The following TBC1D14 variants were observed in gnomAD, a reference collection of about 807,000 sequenced individuals.
TBC1D14 encodes the protein TBC1 domain family, member 14.
Under a neutral mutation model 79.0 loss-of-function variants are expected in TBC1D14, and 26 were observed. The observed-to-expected ratio is 0.33, with a 90% CI of 0.24 to 0.46. The LOEUF (loss-of-function observed/expected upper bound fraction) is 0.46, where lower values mean the gene tolerates loss of function less well. Ranked by LOEUF, TBC1D14 falls within the 20% of genes least tolerant of loss-of-function variation. The pLI is 1.00. For synonymous variants in TBC1D14, 394 were observed against 349.9 expected, an observed-to-expected ratio of 1.13 and a Z score of -1.40; for missense variants, 769 against 887.6, an observed-to-expected ratio of 0.87 and a Z score of 1.70.
intron 3 of TBC1D14, among the ~76,000 whole-genome samples, chr4:6,980,720 C>CTT (rs530654410): frequency 2.8e-5 from 4 of 145,182 alleles, no homozygotes; most frequent in South Asian, 2.2e-4. Context: ...AATAACTTGT[C>CTT]TTTTTTTTTT....
intron 2 of TBC1D14, among the ~76,000 whole-genome samples, chr4:6,936,989 C>G (rs1712399599): frequency 6.6e-6 from 1 of 152,182 alleles, no homozygotes; most frequent in African/African-American, 2.4e-5. Flanking sequence ...ACGATCTCGG[C>G]TCACCGCAAC....
At chr4:7,004,075 G>T (rs536093297) in intron 7 of TBC1D14, among the ~76,000 whole-genome samples, 90 of 152,294 alleles carry the variant, frequency 5.9e-4, no homozygotes, top group Non-Finnish European at 1.1e-3. Flanking sequence ...GGAACAGGGC[G>T]CTGAGAAGGA....
In TBC1D14 at chr4:7,024,453, A is replaced by T. The variant is rs563069634; in HGVS notation, c.1758-551A>T. On this transcript the variant is annotated intron_variant, in intron 12 of 13. Coordinates refer to ENST00000409757, the MANE Select transcript of TBC1D14 (RefSeq NM_020773.3). Reference sequence around the variant, plus strand: ...GAGCGTCTGGGAAGTCCTGCCGCAGACAGGGCGTTGGAATTCAGCAGAGAT... The same window carrying T: ...GAGCGTCTGGGAAGTCCTGCCGCAGTCAGGGCGTTGGAATTCAGCAGAGAT... Among the ~76,000 whole-genome samples, 4 of 152,338 alleles carry T rather than the reference A, an allele frequency of 2.6e-5. No individual in the cohort carries two copies. The South Asian group carries it at 8.3e-4, about 32-fold the overall frequency.
rs758605070 is a variant in TBC1D14 at position 6,961,252 on chromosome 4, G to T, written c.723-6052G>T. ...GGCCGGGTGTGGCCTGATCCCTGAC[G>T]GCCCCCAGCGTGTTTCCCAGGCTCT... is the stretch of plus-strand genomic sequence containing the variant. On this transcript the variant is annotated intron_variant, in intron 2 of 13. Coordinates refer to ENST00000409757, the MANE Select transcript of TBC1D14 (RefSeq NM_020773.3). Among the ~76,000 whole-genome samples, 7 of 152,198 alleles carry T rather than the reference G, an allele frequency of 4.6e-5. No individual in the cohort carries two copies. The South Asian group carries it at 1.5e-3, about 32-fold the overall frequency.
At chr4:6,924,713 G>A (rs189000275) in intron 2 of TBC1D14, among the ~76,000 whole-genome samples, 127 of 152,328 alleles carry the variant, frequency 8.3e-4, no homozygotes, top group African/African-American at 3.0e-3. Flanking sequence ...CTGAGTGCTG[G>A]AGTTCCTGTG....
At chr4:7,024,092 C>G (rs1451546157) in intron 12 of TBC1D14, among the ~76,000 whole-genome samples, 1 of 152,330 alleles carries the variant, frequency 6.6e-6, no homozygotes, top group South Asian at 2.1e-4. Context: ...ACGGAGCACC[C>G]CCCGGCCGGA....
At chr4:6,939,132 C>T (rs939512713) in intron 2 of TBC1D14, among the ~76,000 whole-genome samples, 2 of 152,186 alleles carry the variant, frequency 1.3e-5, no homozygotes, top group African/African-American at 4.8e-5. Context: ...TGGGGCAAGT[C>T]GCTTTGCAGA....
At position 6,919,852 on chromosome 4, in the gene TBC1D14, T is replaced by C. The variant is rs1325500614; in HGVS notation, c.-17-3521T>C. Reference sequence around the variant, plus strand: ...GTCAGGCTGGTCTCAAACTCCTGACTTCGTGATCTGCCCGCCTTGGCCTCC... The same window carrying C: ...GTCAGGCTGGTCTCAAACTCCTGACCTCGTGATCTGCCCGCCTTGGCCTCC... On this transcript the variant is annotated intron_variant, in intron 1 of 13. Coordinates refer to ENST00000409757, the MANE Select transcript of TBC1D14 (RefSeq NM_020773.3). 8.6e-5 allele frequency among the ~76,000 whole-genome samples: 13 copies of C among 151,974 alleles called. No individual in the cohort carries two copies. In the East Asian group the frequency reaches 1.8e-3, roughly 21 times the overall value.
chr4:6,916,091 G>C (rs147693081), intron 1 of TBC1D14, among the ~76,000 whole-genome samples: 17 of 149,344 alleles, frequency 1.1e-4, no homozygotes. Context: ...GTGCCACTGC[G>C]CTCCAGCCTG....
intron 3 of TBC1D14, among the ~76,000 whole-genome samples, chr4:6,977,924 C>G (rs1245243208): frequency 6.6e-6 from 1 of 151,388 alleles, no homozygotes; most frequent in Non-Finnish European, 1.5e-5. Flanking sequence ...GCGTCTCTGC[C>G]CGGCCGCCCC....
intron 3 of TBC1D14, among the ~76,000 whole-genome samples, chr4:6,992,055 C>T (rs1052347459): frequency 2.6e-5 from 4 of 152,184 alleles, no homozygotes; most frequent in African/African-American, 9.7e-5. Flanking sequence ...TGGCGCAGAC[C>T]AACAAGGGCT....
chr4:6,964,337 C>T (rs1355730246), intron 2 of TBC1D14, among the ~76,000 whole-genome samples: 4 of 152,150 alleles, frequency 2.6e-5, no homozygotes, highest in Non-Finnish European at 4.4e-5. Context: ...GCAATTCTCC[C>T]GTCCATTCCT....
chr4:6,929,755 T>A (rs1711555774), intron 2 of TBC1D14, among the ~76,000 whole-genome samples: 1 of 152,206 alleles, frequency 6.6e-6, no homozygotes, highest in African/African-American at 2.4e-5. Context: ...ATGGGCTGCC[T>A]TGATGAGAAT....
chr4:6,948,857 G>A (rs190634079), intron 2 of TBC1D14, among the ~76,000 whole-genome samples: 2 of 151,326 alleles, frequency 1.3e-5, no homozygotes, highest in African/African-American at 2.4e-5. Context: ...GAGCCACCAC[G>A]CCTGGCTAAT....
chr4:6,914,496 C>T (rs1162471229), intron 1 of TBC1D14, among the ~76,000 whole-genome samples: 1 of 152,206 alleles, frequency 6.6e-6, no homozygotes, highest in Non-Finnish European at 1.5e-5. Flanking sequence ...GTGTGTGTAG[C>T]AGTGGAAACA....
intron 3 of TBC1D14, chr4:6,987,267 C>T (rs904720203): frequency 1.1e-5 from 14 of 1,303,228 alleles, no homozygotes; most frequent in Non-Finnish European, 1.3e-5. Flanking sequence ...GCCCGCGGTC[C>T]GGGAGGGAGG....
chr4:6,994,156 G>A, intron 3 of TBC1D14, 28 bp from the exon 4 acceptor site: 2 of 1,570,428 alleles, frequency 1.3e-6, no homozygotes, highest in Non-Finnish European at 1.8e-6. Flanking sequence ...GAAAGGACCT[G>A]GAGTCATCCC....
chr4:6,964,201 G>T (rs900260823), intron 2 of TBC1D14, among the ~76,000 whole-genome samples: 2 of 152,036 alleles, frequency 1.3e-5, no homozygotes, highest in Admixed American at 1.3e-4. Flanking sequence ...CCTCTTAGTC[G>T]TCCTCCTGCC....
intron 2 of TBC1D14, among the ~76,000 whole-genome samples, chr4:6,933,708 G>T (rs1231628155): frequency 6.6e-6 from 1 of 151,926 alleles, no homozygotes; most frequent in Non-Finnish European, 1.5e-5. Context: ...CAAAGGGAAG[G>T]GTATGAACAT....
Sources: gnomAD v4.1 joint callset for allele counts (sites outside exome capture counted in the v4.1 genomes callset) on GRCh38, gnomAD v4.1.1 for gene constraint, MANE v1.5 for transcripts, NCBI Gene and HGNC (gene_info 2026-07-23, HGNC 2026-07-21) for gene names.